SP110: variants seen among roughly 807,000 people sequenced by gnomAD.
The protein encoded by SP110 is interferon-induced protein 41, 30kD.
In SP110, 62 loss-of-function variants were observed where a neutral mutation model predicts 92.7. The observed-to-expected ratio is 0.67, with a 90% CI of 0.55 to 0.83. The LOEUF (loss-of-function observed/expected upper bound fraction) is 0.83. Ranked by LOEUF, SP110 falls within the 40% of genes least tolerant of loss-of-function variation. The pLI, the probability that SP110 is intolerant of heterozygous loss-of-function variation, is 0.00. For missense variants in SP110, 793 were observed against 863.9 expected, an observed-to-expected ratio of 0.92 and a Z score of 1.03; for synonymous variants, 273 against 305.3, an observed-to-expected ratio of 0.89 and a Z score of 1.10.
chr2:230,209,613 C>T (rs1026539386), intron 7 of SP110, among the ~76,000 whole-genome samples: 13 of 152,162 alleles, frequency 8.5e-5, no homozygotes, highest in African/African-American at 2.7e-4. Flanking sequence ...AAGTGGGTTC[C>T]TCTCTGGGGA....
At chr2:230,204,423 G>A (rs2043529837) in intron 8 of SP110, among the ~76,000 whole-genome samples, 1 of 152,028 alleles carries the variant, frequency 6.6e-6, no homozygotes, top group Non-Finnish European at 1.5e-5. Flanking sequence ...CCTAAATATG[G>A]GATAATAAGA....
intron 2 of SP110, among the ~76,000 whole-genome samples, chr2:230,216,418 A>T (rs2045181973): frequency 1.3e-5 from 2 of 152,212 alleles, no homozygotes; most frequent in African/African-American, 4.8e-5. Flanking sequence ...AAGGATTTCC[A>T]ACAGCTACCA....
upstream of SP110, among the ~76,000 whole-genome samples, chr2:230,223,673 C>A (rs980780752): frequency 2.6e-5 from 4 of 152,162 alleles, no homozygotes; most frequent in Middle Eastern, 3.2e-3. Flanking sequence ...CAGTGAACAT[C>A]CCCATTAGCG....
chr2:230,185,544 G>T (rs1293107581), intron 11 of SP110, among the ~76,000 whole-genome samples: 2 of 151,952 alleles, frequency 1.3e-5, no homozygotes, highest in Non-Finnish European at 2.9e-5. Flanking sequence ...GACAATTTAG[G>T]CAATTTGACA....
In SP110 at chr2:230,172,110, C is replaced by T. The variant is rs1294188495; in HGVS notation, c.1771G>A (p.Val591Ile). Reference sequence around the variant, plus strand: ...ATCTGCCTCTCCAGGGTCTTAGATACATGATGGCACTGTTGGCTTCCTGAA... The same window carrying T: ...ATCTGCCTCTCCAGGGTCTTAGATATATGATGGCACTGTTGGCTTCCTGAA... ...RSSGSQQCHHVSKTLERQMQP... is the reference protein window; with the variant it reads ...RSSGSQQCHHISKTLERQMQP... The change falls in exon 16 of 19, where the codon GTA becomes ATA. Residue 591 changes from valine (V) to isoleucine (I), a missense_variant. By Grantham distance (29) the Val-to-Ile change is conservative. Coordinates refer to ENST00000258381, the MANE Select transcript of SP110 (RefSeq NM_080424.4). The T allele has an allele frequency of 1.9e-6, 3 of 1,613,702 alleles. No individual in the cohort carries two copies. In the East Asian group the frequency reaches 6.7e-5, roughly 36 times the overall value.
intron 14 of SP110, 123 bp from the exon 15 acceptor site, chr2:230,173,082 AT>A (rs2078492524): frequency 2.8e-6 from 2 of 703,362 alleles, no homozygotes; most frequent in East Asian, 5.6e-5. Context: ...CCAATTTTTG[AT>A]GGGGGGAGCT....
rs1454968470 is a variant in SP110, at chr2:230,185,322, TGAG to T, written c.1279+669_1279+671del. 2.6e-5 allele frequency among the ~76,000 whole-genome samples: 4 copies of T among 152,264 alleles called. No homozygotes were observed. The East Asian group carries it at 7.7e-4, about 29-fold the overall frequency. ...GTCCACAGGCAGGGCTGTAGACTTC[TGAG>T]GAGGTGGGGCACTGGAACACTGGAG... On this transcript the variant is annotated intron_variant, in intron 11 of 18. Coordinates refer to ENST00000258381, the MANE Select transcript of SP110 (RefSeq NM_080424.4).
Position 230,167,105 on chromosome 2 carries a change from CTTTT to C in SP110, c.*2015_*2018del, listed in dbSNP as rs34396036. 3.4e-5 allele frequency: 4 copies of C among 119,210 alleles called. No individual in the cohort carries two copies. Among genetic ancestry groups the C allele is most frequent in the Non-Finnish European group, 3.5e-5 (2 of 57,416 alleles). 7.4% of individuals were successfully genotyped at this position (119,210 alleles called of 1,614,324 possible). On this transcript the variant is annotated 3_prime_UTR_variant, in exon 19 of 19. Transcript: ENST00000258381. ...GAGCCTATTTCTTTTGTTTTCTTTC[CTTTT>C]TTTTTTTTTTTTTTTGAGGCAGGGT...
intron 10 of SP110, among the ~76,000 whole-genome samples, chr2:230,199,160 T>A (rs1217459840): frequency 2.0e-5 from 3 of 148,350 alleles, no homozygotes; most frequent in East Asian, 2.0e-4. Flanking sequence ...TTTTTTTTTT[T>A]TTTAGTGGGG....
chr2:230,181,695 GA>G (rs2042134525), intron 12 of SP110, among the ~76,000 whole-genome samples: 1 of 152,138 alleles, frequency 6.6e-6, no homozygotes, highest in Non-Finnish European at 1.5e-5. Flanking sequence ...ATAAAGATAT[GA>G]AAAAAAGCTC....
At chr2:230,221,693 C>T (rs2045834766), upstream of SP110, 1 of 1,535,880 alleles carries the variant, frequency 6.5e-7, no homozygotes, top group Non-Finnish European at 8.7e-7. Flanking sequence ...GCAAATGTCA[C>T]ATGTCACTTA....
Position 230,170,643 on chromosome 2 carries a change from C to A in SP110, c.2006G>T (p.Arg669Leu). The A allele has an allele frequency of 6.2e-7, 1 of 1,614,104 alleles. No homozygotes were observed. The highest frequency in any genetic ancestry group is 8.5e-7 in the Non-Finnish European group (1 of 1,180,012). ...TACCTTGTAAAATGTTTTATGGTTG[C>A]GAAACATCAGGCGCATGTCTCGCAC... ...WFVRDMRLMFRNHKTFYKASD... is the reference protein window; with the variant it reads ...WFVRDMRLMFLNHKTFYKASD... Residue 669 changes from arginine (R) to leucine (L), a missense_variant, in exon 18 of 19, where the codon CGC (arginine) becomes CTC (leucine). Transcript: ENST00000258381.
chr2:230,177,936 A>G lies in SP110; in HGVS notation c.1447+221T>C, dbSNP rs535650518. On this transcript the variant is annotated intron_variant, in intron 13 of 18. Transcript: ENST00000258381. ...ATGCAGCAAGGACATGGCTGTCAGT[A>G]CAGCAGGGCCCATGGGTGACTTCCA... 1.1e-4 allele frequency among the ~76,000 whole-genome samples: 16 copies of G among 152,318 alleles called. No homozygotes were observed. In the South Asian group the frequency reaches 3.3e-3, roughly 32 times the overall value.
chr2:230,183,736 C>A, intron 11 of SP110, 96 bp from the exon 12 acceptor site: 1 of 860,818 alleles, frequency 1.2e-6, no homozygotes, highest in Non-Finnish European at 2.0e-6. Context: ...GTTTTTCTAC[C>A]AGTTTGGAGA....
At chr2:230,214,348 T>C (rs1276373149) in intron 3 of SP110, among the ~76,000 whole-genome samples, 1 of 152,186 alleles carries the variant, frequency 6.6e-6, no homozygotes, top group Non-Finnish European at 1.5e-5. Context: ...CAGCTGTCCT[T>C]GTCCGGACTA....
In SP110 at chr2:230,183,790, A is replaced by G; in HGVS notation, c.1280-150T>C. The G allele has an allele frequency of 1.1e-5, 7 of 665,450 alleles. No homozygotes were observed. The South Asian group carries it at 1.2e-4, about 11-fold the overall frequency. The allele number at this position is 665,450 out of a possible 1,614,324, so 41.2% of individuals were successfully genotyped here. On this transcript the variant is annotated intron_variant, in intron 11 of 18. Coordinates refer to ENST00000258381, the MANE Select transcript of SP110 (RefSeq NM_080424.4). ...CCTTATGAAAGGACTTCCTTGTAGC[A>G]TTGACTAAGGAAATACAGCAAGCTC...
rs1219629698 is a variant in SP110, at chr2:230,208,009, T to C, written c.880A>G (p.Lys294Glu). The C allele has an allele frequency of 6.4e-7, 1 of 1,562,948 alleles. No individual in the cohort carries two copies. Among genetic ancestry groups the C allele is most frequent in the Non-Finnish European group, 8.8e-7 (1 of 1,136,142 alleles). ...ATCTTACCTCCTGGGAGGCTTTTTTTCTTATGTCTCCTTTTTGGAGTTGAC... is the reference window on the plus strand; with the variant it reads ...ATCTTACCTCCTGGGAGGCTTTTTTCCTTATGTCTCCTTTTTGGAGTTGAC... ...IWSTPKRRHKKKSLPGGTASS... is the reference protein window; with the variant it reads ...IWSTPKRRHKEKSLPGGTASS... Residue 294 changes from lysine to glutamate, a missense_variant, in exon 8 of 19, where the codon AAA becomes GAA. Transcript: ENST00000258381.
Position 230,208,073 on chromosome 2 carries a change from A to G in SP110, c.830-14T>C. 1.5e-6 allele frequency: 2 copies of G among 1,355,448 alleles called. No homozygotes were observed. The highest frequency in any genetic ancestry group is 1.2e-5 in the South Asian group (1 of 84,552). 84.0% of individuals were successfully genotyped at this position (1,355,448 alleles called of 1,614,324 possible). A position where few individuals can be genotyped will look rare whatever the true frequency, so the allele number is the denominator to read the frequency against. On this transcript the variant is annotated splice_polypyrimidine_tract_variant and intron_variant, in intron 7 of 18. Coordinates refer to ENST00000258381, the MANE Select transcript of SP110 (RefSeq NM_080424.4). ...TTCTTTTCTTTCCTAAAAAGAAAGG[A>G]TAATGTTTTATAGTTACAAACATTG... is the stretch of plus-strand genomic sequence containing the variant.
intron 12 of SP110, among the ~76,000 whole-genome samples, chr2:230,181,176 C>G (rs1208739217): frequency 6.6e-6 from 1 of 152,182 alleles, no homozygotes; most frequent in Non-Finnish European, 1.5e-5. Flanking sequence ...AACAATCTTC[C>G]AGCAGAAGGC....
Sources: allele counts gnomAD v4.1 joint callset (sites outside exome capture counted in the v4.1 genomes callset), GRCh38; gene constraint gnomAD v4.1.1; transcripts MANE v1.5; gene names NCBI Gene and HGNC (gene_info 2026-07-23, HGNC 2026-07-21).